The following USP7 variants were observed in gnomAD, a reference collection of about 807,000 sequenced individuals.
USP7 encodes ubiquitin specific peptidase 7.
Under a neutral mutation model 162.9 loss-of-function variants are expected in USP7, and 9 were observed. The ratio of observed to expected loss-of-function variants is 0.06; its 90% confidence interval spans 0.03 to 0.10. The LOEUF (loss-of-function observed/expected upper bound fraction) is 0.10, where lower values mean the gene tolerates loss of function less well. Among genes scored for constraint, USP7 ranks in the 10% least tolerant of loss-of-function variants. The probability of loss-of-function intolerance (pLI) is 1.00; values close to 1 mark genes in which losing one functional copy is unlikely to be tolerated. For missense variants in USP7, 715 were observed against 1,373.7 expected, an observed-to-expected ratio of 0.52 and a Z score of 7.58; for synonymous variants, 562 against 475.9, an observed-to-expected ratio of 1.18 and a Z score of -2.35.
At chr16:8,945,910 A>C (rs536378173) in intron 1 of USP7, among the ~76,000 whole-genome samples, 100 of 152,290 alleles carry the variant, frequency 6.6e-4, no homozygotes, top group African/African-American at 2.2e-3. Flanking sequence ...AATTAAAAAA[A>C]ACAACAGCAC....
intron 3 of USP7, among the ~76,000 whole-genome samples, chr16:8,922,933 AGAGT>A (rs1311537209): frequency 6.6e-6 from 1 of 152,240 alleles, no homozygotes; most frequent in African/African-American, 2.4e-5. Context: ...AGTTACTGAC[AGAGT>A]AAGAATTAAG....
chr16:8,899,373 A>G (rs2061740033), intron 22 of USP7, 185 bp from the exon 23 acceptor site: 4 of 748,302 alleles, frequency 5.3e-6, no homozygotes, highest in East Asian at 5.4e-5. Context: ...TCTGATGAAG[A>G]TAACTTTGGA....
chr16:8,947,616 G>A (rs996155159), intron 1 of USP7, among the ~76,000 whole-genome samples: 2 of 147,644 alleles, frequency 1.4e-5, no homozygotes, highest in African/African-American at 5.3e-5. Context: ...CCAAAATGCT[G>A]GGATTACAGG....
Position 8,893,536 on chromosome 16 carries a change from T to C in USP7, c.*462A>G, listed in dbSNP as rs1016862203. The C allele has an allele frequency of 6.3e-6, 1 of 159,030 alleles. No homozygotes were observed. The highest frequency in any genetic ancestry group is 1.4e-5 in the Non-Finnish European group (1 of 71,430). 9.9% of individuals were successfully genotyped at this position (159,030 alleles called of 1,614,324 possible). On this transcript the variant is annotated 3_prime_UTR_variant, in exon 31 of 31. Transcript: ENST00000344836. ...TATTAGGTTGTGAGTTTCTCTGTTT[T>C]GCCTTAACAGATGCACAAAAGGTCA...
intron 25 of USP7, among the ~76,000 whole-genome samples, chr16:8,898,101 G>A (rs980820821): frequency 1.3e-5 from 2 of 152,100 alleles, no homozygotes; most frequent in African/African-American, 2.4e-5. Context: ...GTGGCAATGC[G>A]CAAGCATCAC....
chr16:8,952,427 T>G (rs976071434), intron 1 of USP7, among the ~76,000 whole-genome samples: 3 of 152,154 alleles, frequency 2.0e-5, no homozygotes, highest in Non-Finnish European at 4.4e-5. Flanking sequence ...CTGAAATGGG[T>G]CTCACCGGGC....
intron 1 of USP7, among the ~76,000 whole-genome samples, chr16:8,937,791 G>A (rs2141244840): frequency 6.6e-6 from 1 of 152,296 alleles, no homozygotes; most frequent in South Asian, 2.1e-4. Context: ...AGCAGTTTGG[G>A]AGATGAAACA....
rs1281739803 is a variant in USP7 at position 8,893,516 on chromosome 16, G to C, written c.*482C>G. ...ATGAAGGGAAGAGCGCTATTTATTA[G>C]GTTGTGAGTTTCTCTGTTTTGCCTT... On this transcript the variant is annotated 3_prime_UTR_variant, in exon 31 of 31. Transcript: ENST00000344836. 3 of 157,680 alleles carry C rather than the reference G, an allele frequency of 1.9e-5. No individual in the cohort carries two copies. The highest frequency in any genetic ancestry group is 4.8e-5 in the African/African-American group (2 of 41,510). 9.8% of individuals were successfully genotyped at this position (157,680 alleles called of 1,614,324 possible).
At chr16:8,937,864 T>C (rs557855327) in intron 1 of USP7, among the ~76,000 whole-genome samples, 124 of 152,134 alleles carry the variant, frequency 8.2e-4, no homozygotes, top group Non-Finnish European at 1.5e-3. Flanking sequence ...AGGAGACCTG[T>C]AGCCAGTCTG....
chr16:8,896,862 T>C lies in USP7; in HGVS notation c.2819+137A>G, dbSNP rs11075007. 1,026 of 735,174 alleles carry C rather than the reference T, an allele frequency of 1.4e-3. 10 individuals are homozygous for C. The African/African-American group carries it at 0.016, about 12-fold the overall frequency. 45.5% of individuals were successfully genotyped at this position (735,174 alleles called of 1,614,324 possible). On this transcript the variant is annotated intron_variant, in intron 26 of 30. Transcript: ENST00000344836. ...AGCTTCTGTGCAACTGTCTTTGCAA[T>C]GGAGGCACACCCCACTGAGTCTGGG...
chr16:8,943,301 CAAGTA>C (rs886152006), intron 1 of USP7, among the ~76,000 whole-genome samples: 12 of 151,284 alleles, frequency 7.9e-5, no homozygotes, highest in African/African-American at 3.0e-4. Flanking sequence ...ATATACAGCA[CAAGTA>C]AAGAGCTTAT....
In USP7 at chr16:8,939,703, T is replaced by A. The variant is rs572309584; in HGVS notation, c.80-9306A>T. Among the ~76,000 whole-genome samples, 4 of 152,338 alleles carry A rather than the reference T, an allele frequency of 2.6e-5. No homozygotes were observed. The South Asian group carries it at 8.3e-4, about 32-fold the overall frequency. On this transcript the variant is annotated intron_variant, in intron 1 of 30. Transcript: ENST00000344836. ...ATGTACATATCATGTACATTGCTCG[T>A]GCACTTTTTCTCATGAAGGAAAACA...
chr16:8,938,710 CAAA>C (rs397944053), intron 1 of USP7, among the ~76,000 whole-genome samples: 1 of 145,936 alleles, frequency 6.9e-6, no homozygotes, highest in African/African-American at 2.5e-5. Context: ...GACTCCGTCT[CAAA>C]AAAAAAAAAA....
chr16:8,919,817 T>C (rs1423847596), intron 5 of USP7, among the ~76,000 whole-genome samples: 1 of 151,970 alleles, frequency 6.6e-6, no homozygotes, highest in Admixed American at 6.6e-5. Context: ...GCGGGACCAG[T>C]GCTGGGGGAG....
rs569163943 is a variant in USP7, at chr16:8,910,594, C to G, written c.1161+151G>C. 89 of 692,410 alleles carry G rather than the reference C, an allele frequency of 1.3e-4. No individual in the cohort carries two copies. The African/African-American group carries it at 1.4e-3, about 11-fold the overall frequency. 42.9% of individuals were successfully genotyped at this position (692,410 alleles called of 1,614,324 possible). Reference sequence around the variant, plus strand: ...TCTCCCAACATCCCCCTCTCCCTCCCCATTCAATTATCCTACAAACAGAAT... The same window carrying G: ...TCTCCCAACATCCCCCTCTCCCTCCGCATTCAATTATCCTACAAACAGAAT... On this transcript the variant is annotated intron_variant, in intron 11 of 30. Coordinates refer to ENST00000344836, the MANE Select transcript of USP7 (RefSeq NM_003470.3).
intron 1 of USP7, among the ~76,000 whole-genome samples, chr16:8,946,928 G>A (rs536861963): frequency 5.2e-4 from 79 of 152,240 alleles, no homozygotes; most frequent in African/African-American, 1.8e-3. Context: ...TTTTCCAAAC[G>A]GCCAATAAAT....
chr16:8,920,314 G>A, intron 5 of USP7, 45 bp downstream of exon 5: 1 of 1,531,670 alleles, frequency 6.5e-7, no homozygotes, highest in Non-Finnish European at 9.0e-7. Flanking sequence ...TTTCACTGCA[G>A]CACAAAAGAC....
At chr16:8,920,164 G>C (rs1028141726) in intron 5 of USP7, among the ~76,000 whole-genome samples, 195 bp downstream of exon 5, 2 of 152,070 alleles carry the variant, frequency 1.3e-5, no homozygotes, top group African/African-American at 4.8e-5. Flanking sequence ...ATGTTCCAAG[G>C]GTCTAACATA....
rs912045265 is a variant in USP7 at position 8,954,983 on chromosome 16, A to T, written c.79+8224T>A. Among the ~76,000 whole-genome samples the T allele has an allele frequency of 7.6e-4, 115 of 152,208 alleles. 2 individuals carry two copies. Among genetic ancestry groups the T allele is most frequent in the Non-Finnish European group, 3.2e-4 (22 of 68,042 alleles). ...CAAAAAATAAAAATAAAATAAAAAAACAGTAACAGCAATTGCTGTTTCACA... is the reference window on the plus strand; with the variant it reads ...CAAAAAATAAAAATAAAATAAAAAATCAGTAACAGCAATTGCTGTTTCACA... On this transcript the variant is annotated intron_variant, in intron 1 of 30. Coordinates refer to ENST00000344836, the MANE Select transcript of USP7 (RefSeq NM_003470.3).
Sources: allele counts gnomAD v4.1 joint callset (sites outside exome capture counted in the v4.1 genomes callset), GRCh38; gene constraint gnomAD v4.1.1; transcripts MANE v1.5; gene names NCBI Gene and HGNC (gene_info 2026-07-23, HGNC 2026-07-21).